PTGER3: variants seen among roughly 807,000 people sequenced by gnomAD.
PTGER3 encodes prostaglandin E receptor 3.
A neutral mutation model predicts 34.7 loss-of-function variants in PTGER3; 22 were observed. The observed-to-expected ratio is 0.63, with a 90% CI of 0.45 to 0.91. The LOEUF (loss-of-function observed/expected upper bound fraction) is 0.91, where lower values mean the gene tolerates loss of function less well. Among genes scored for constraint, PTGER3 ranks in the 40% least tolerant of loss-of-function variants. The probability of loss-of-function intolerance (pLI) is 0.00; values close to 1 mark genes in which losing one functional copy is unlikely to be tolerated. For synonymous variants in PTGER3, 241 were observed against 230.1 expected (o/e 1.05, Z -0.43); for missense variants, 468 against 519.4 (o/e 0.90, Z 0.96).
chr1:70,963,926 C>T (rs1054795730), intron 2 of PTGER3, among the ~76,000 whole-genome samples: 2 of 152,126 alleles, frequency 1.3e-5, no homozygotes, highest in Non-Finnish European at 2.9e-5. Context: ...ATTTTGCTAC[C>T]TAGAAATTTC....
chr1:70,968,422 C>G (rs1652761002), downstream of PTGER3, among the ~76,000 whole-genome samples: 1 of 152,066 alleles, frequency 6.6e-6, no homozygotes, highest in African/African-American at 2.4e-5. Context: ...TCTTAAGGAT[C>G]TTACTTTATT....
chr1:71,044,006 G>A (rs1660534912), intron 1 of PTGER3, among the ~76,000 whole-genome samples: 1 of 151,232 alleles, frequency 6.6e-6, no homozygotes, highest in Non-Finnish European at 1.5e-5. Flanking sequence ...TAGTAGAGGC[G>A]GGGTTTGGCC....
At chr1:70,914,192 A>G (rs1453771579) in intron 4 of PTGER3, among the ~76,000 whole-genome samples, 1 of 151,888 alleles carries the variant, frequency 6.6e-6, no homozygotes, top group Non-Finnish European at 1.5e-5. Context: ...CAAGAACAGT[A>G]CATCTGTTTG....
At chr1:70,929,629 C>T (rs1248032520) in intron 4 of PTGER3, among the ~76,000 whole-genome samples, 1 of 152,158 alleles carries the variant, frequency 6.6e-6, no homozygotes, top group African/African-American at 2.4e-5. Context: ...AGATAATCCC[C>T]TACCAAATTC....
Position 70,953,786 on chromosome 1 carries a change from T to A in PTGER3, c.1081A>T (p.Arg361Ter). Reference sequence around the variant, plus strand: ...ACTTGCTCTCTGAGTCTTCTTTTTCTCATCTGAAAAAGAGTAATAACAGTA... The same window carrying A: ...ACTTGCTCTCTGAGTCTTCTTTTTCACATCTGAAAAAGAGTAATAACAGTA... Residue 361 changes from arginine (R) to a stop codon, truncating the protein, a stop_gained, in exon 3 of 4, where the codon AGA becomes TGA. Transcript: ENST00000356595. LOFTEE classifies it low-confidence loss of function (END_TRUNC). The A allele has an allele frequency of 1.4e-6, 2 of 1,386,460 alleles. No homozygotes were observed. Among genetic ancestry groups the A allele is most frequent in the South Asian group, 1.4e-5 (1 of 72,658 alleles). 85.9% of individuals were successfully genotyped at this position (1,386,460 alleles called of 1,614,324 possible).
intron 2 of PTGER3, chr1:71,009,598 T>A: frequency 1.0e-6 from 1 of 985,090 alleles, no homozygotes; most frequent in Non-Finnish European, 1.2e-6. Context: ...GTTTGGAAAA[T>A]CAACACTACT....
chr1:70,990,810 ACCACT>A (rs1655406370), intron 2 of PTGER3, among the ~76,000 whole-genome samples: 1 of 152,248 alleles, frequency 6.6e-6, no homozygotes, highest in South Asian at 2.1e-4. Flanking sequence ...ACTGATATGT[ACCACT>A]CCACAATCAT....
At chr1:71,014,090 T>A (rs1657681623) in intron 1 of PTGER3, among the ~76,000 whole-genome samples, 1 of 152,228 alleles carries the variant, frequency 6.6e-6, no homozygotes, top group Non-Finnish European at 1.5e-5. Context: ...TTTGACTTTT[T>A]AAAAATGCAG....
intron 1 of PTGER3, among the ~76,000 whole-genome samples, chr1:71,041,042 T>A (rs145923052): frequency 4.6e-5 from 7 of 152,322 alleles, no homozygotes; most frequent in Non-Finnish European, 7.4e-5. Flanking sequence ...ATCTCAGTCA[T>A]ATGCTGCCCA....
Position 71,047,002 on chromosome 1 carries a change from C to G in PTGER3, c.576G>C (p.Pro192=), listed in dbSNP as rs1473099995. ...WLAVLAFALL[P]VLGVGQYTVQ... is the part of the protein sequence containing the mutation. ...CGGTGTACTGGCCCACGCCCAGCAC[C>G]GGCAGCAGGGCGAAGGCGAGCACGG... Residue 192 remains proline (P), a synonymous_variant, in exon 1 of 4, where the codon CCG becomes CCC. Transcript: ENST00000306666. 1 of 1,611,468 alleles carries G rather than the reference C, an allele frequency of 6.2e-7. No individual in the cohort carries two copies. The highest frequency in any genetic ancestry group is 8.5e-7 in the Non-Finnish European group (1 of 1,179,154).
chr1:70,865,547 CTT>C, intron 4 of PTGER3: 1 of 1,099,828 alleles, frequency 9.1e-7, no homozygotes, highest in Non-Finnish European at 1.2e-6. Context: ...GGGTTCTTGA[CTT>C]ATAAAATCAG....
At chr1:70,891,804 T>C (rs768082544) in intron 4 of PTGER3, among the ~76,000 whole-genome samples, 1 of 152,210 alleles carries the variant, frequency 6.6e-6, no homozygotes, top group Non-Finnish European at 1.5e-5. Context: ...GATTACAAAA[T>C]TCTGCCAATT....
chr1:70,915,205 G>T (rs2100412183), intron 4 of PTGER3, among the ~76,000 whole-genome samples: 1 of 151,982 alleles, frequency 6.6e-6, no homozygotes, highest in Middle Eastern at 3.4e-3. Context: ...TTCAAACTTA[G>T]ATTTTTTTAA....
At chr1:71,028,083 T>C (rs1292998144) in intron 1 of PTGER3, among the ~76,000 whole-genome samples, 5 of 152,126 alleles carry the variant, frequency 3.3e-5, no homozygotes, top group African/African-American at 1.2e-4. Flanking sequence ...CTACCCAGGG[T>C]CCATTCATCC....
intron 4 of PTGER3, among the ~76,000 whole-genome samples, chr1:70,925,928 AT>A (rs1318807305): frequency 3.3e-5 from 5 of 152,204 alleles, no homozygotes; most frequent in Non-Finnish European, 7.3e-5. Context: ...AAAAGAGTGA[AT>A]GTAAGTAGAA....
At chr1:70,934,947 T>G (rs575338019) in intron 4 of PTGER3, among the ~76,000 whole-genome samples, 1 of 152,196 alleles carries the variant, frequency 6.6e-6, no homozygotes, top group South Asian at 2.1e-4. Context: ...AGTTCTAAAC[T>G]TTCCCTTTTG....
intron 2 of PTGER3, among the ~76,000 whole-genome samples, chr1:70,963,576 C>T (rs1010406372): frequency 6.6e-6 from 1 of 152,190 alleles, no homozygotes; most frequent in African/African-American, 2.4e-5. Context: ...GGCCTGCGCC[C>T]TCCGAAGCCA....
At chr1:70,880,755 G>C (rs1417676475) in intron 4 of PTGER3, among the ~76,000 whole-genome samples, 1 of 151,726 alleles carries the variant, frequency 6.6e-6, no homozygotes, top group African/African-American at 2.4e-5. Context: ...GGCTTGTAGA[G>C]TTTCTGCTGA....
chr1:70,900,273 G>A (rs1329563890), intron 4 of PTGER3, among the ~76,000 whole-genome samples: 2 of 152,068 alleles, frequency 1.3e-5, no homozygotes, highest in South Asian at 2.1e-4. Context: ...TATCATGACC[G>A]TGTTTCCTAC....
Sources: gnomAD v4.1 joint callset for allele counts (sites outside exome capture counted in the v4.1 genomes callset) on GRCh38, gnomAD v4.1.1 for gene constraint, MANE v1.5 for transcripts, NCBI Gene and HGNC (gene_info 2026-07-23, HGNC 2026-07-21) for gene names.